Variants in LRRC4C observed in about 807,000 individuals in gnomAD.
The protein encoded by LRRC4C is leucine rich repeat containing 4C, also known as leucine-rich repeat-containing protein 4C.
LRRC4C carries 5 observed loss-of-function variants against 33.6 expected under a neutral mutation model. That is an observed-to-expected ratio of 0.15 (90% confidence interval 0.08 to 0.31). LRRC4C has a LOEUF of 0.31. Ranked by LOEUF, LRRC4C falls within the 10% of genes least tolerant of loss-of-function variation. The pLI is 1.00. For synonymous variants in LRRC4C, 329 were observed against 302.0 expected (o/e 1.09, Z -0.93); for missense variants, 560 against 796.7 (o/e 0.70, Z 3.58).
chr11:40,702,234 T>C (rs1945896392), intron 2 of LRRC4C, among the ~76,000 whole-genome samples: 1 of 152,098 alleles, frequency 6.6e-6, no homozygotes, highest in African/African-American at 2.4e-5. Context: ...AAATGTAGTA[T>C]AATGTAAAAT....
At chr11:40,918,824 TA>T (rs1238845980) in intron 2 of LRRC4C, among the ~76,000 whole-genome samples, 1 of 152,134 alleles carries the variant, frequency 6.6e-6, no homozygotes, top group Non-Finnish European at 1.5e-5. Context: ...AATGATGAGT[TA>T]AACTCAAAAG....
intron 1 of LRRC4C, among the ~76,000 whole-genome samples, chr11:41,298,463 G>A (rs538309560): frequency 6.6e-6 from 1 of 151,784 alleles, no homozygotes; most frequent in African/African-American, 2.4e-5. Flanking sequence ...GCTAAACGCA[G>A]TCATTATTGA....
intron 1 of LRRC4C, among the ~76,000 whole-genome samples, chr11:41,303,928 C>A (rs1279170360): frequency 1.1e-5 from 1 of 91,014 alleles, no homozygotes; most frequent in Admixed American, 1.3e-4. Context: ...CCTCTCCGCC[C>A]GGCAGCCACC....
chr11:41,190,495 G>T (rs1945894149), intron 1 of LRRC4C, among the ~76,000 whole-genome samples: 1 of 152,270 alleles, frequency 6.6e-6, no homozygotes. Context: ...AATGCCAGGT[G>T]CTCAGCCTAG....
intron 1 of LRRC4C, among the ~76,000 whole-genome samples, chr11:41,122,562 A>G (rs536318806): frequency 3.3e-5 from 5 of 152,140 alleles, no homozygotes; most frequent in African/African-American, 1.2e-4. Context: ...ATATGCCCAG[A>G]TGATTTCTTG....
At chr11:41,403,405 C>T (rs1337234090) in intron 1 of LRRC4C, among the ~76,000 whole-genome samples, 1 of 152,012 alleles carries the variant, frequency 6.6e-6, no homozygotes, top group Non-Finnish European at 1.5e-5. Context: ...TATATATAGA[C>T]ATATATGTTT....
At chr11:40,740,731 T>C (rs1477850500) in intron 2 of LRRC4C, among the ~76,000 whole-genome samples, 1 of 152,066 alleles carries the variant, frequency 6.6e-6, no homozygotes, top group East Asian at 1.9e-4. Context: ...TGAAGACTTT[T>C]CCCTATGTTC....
chr11:41,159,447 A>G (rs1314987003), intron 1 of LRRC4C, among the ~76,000 whole-genome samples: 2 of 152,148 alleles, frequency 1.3e-5, no homozygotes, highest in Non-Finnish European at 2.9e-5. Context: ...AGAAAAAGGT[A>G]TAGAGATGAA....
intron 2 of LRRC4C, among the ~76,000 whole-genome samples, chr11:40,796,439 G>A (rs186512471): frequency 1.3e-5 from 2 of 152,204 alleles, no homozygotes; most frequent in East Asian, 1.9e-4. Context: ...ATACATGGGT[G>A]AAAGAGGCCA....
At chr11:41,156,450 A>G (rs1944236801) in intron 1 of LRRC4C, among the ~76,000 whole-genome samples, 1 of 152,122 alleles carries the variant, frequency 6.6e-6, no homozygotes, top group Non-Finnish European at 1.5e-5. Context: ...CTTTTTCTAC[A>G]AATAGGTTAA....
intron 1 of LRRC4C, among the ~76,000 whole-genome samples, chr11:41,168,643 T>C (rs1944835087): frequency 2.0e-5 from 3 of 152,116 alleles, no homozygotes; most frequent in Non-Finnish European, 4.4e-5. Context: ...AAATATCAAG[T>C]GTTTGGGAGA....
chr11:40,748,542 A>T (rs1245992962), intron 2 of LRRC4C, among the ~76,000 whole-genome samples: 2 of 152,118 alleles, frequency 1.3e-5, no homozygotes, highest in Admixed American at 1.3e-4. Flanking sequence ...AAACCACCAA[A>T]CCTCAATGAC....
At chr11:41,059,225 T>TTTTTTTTTTTAA (rs1858881986) in intron 1 of LRRC4C, among the ~76,000 whole-genome samples, 1 of 149,580 alleles carries the variant, frequency 6.7e-6, no homozygotes, top group Non-Finnish European at 1.5e-5. Context: ...TTTTTTTTTT[T>TTTTTTTTTTTAA]AAGAAAAAGA....
At chr11:41,050,445 G>T (rs976269770) in intron 1 of LRRC4C, among the ~76,000 whole-genome samples, 1 of 151,500 alleles carries the variant, frequency 6.6e-6, no homozygotes, top group African/African-American at 2.4e-5. Context: ...CCCTCCCCTT[G>T]CCCCCTACCC....
chr11:41,153,009 G>A (rs1944066679), intron 1 of LRRC4C, among the ~76,000 whole-genome samples: 1 of 152,076 alleles, frequency 6.6e-6, no homozygotes, highest in African/African-American at 2.4e-5. Context: ...CTATATGTTT[G>A]CCTTAGTCTC....
chr11:41,034,668 T>C (rs995130135), intron 1 of LRRC4C, among the ~76,000 whole-genome samples: 1 of 145,126 alleles, frequency 6.9e-6, no homozygotes, highest in African/African-American at 2.5e-5. Context: ...ATATATATGA[T>C]ATATATATAT....
At chr11:40,167,976 G>A (rs559630043) in intron 5 of LRRC4C, among the ~76,000 whole-genome samples, 98 of 152,174 alleles carry the variant, frequency 6.4e-4, no homozygotes, top group Non-Finnish European at 6.3e-4. Context: ...CCTGGGAGGC[G>A]GAGGTTGCAG....
At chr11:40,991,089 A>T (rs1853518565) in intron 1 of LRRC4C, among the ~76,000 whole-genome samples, 1 of 151,724 alleles carries the variant, frequency 6.6e-6, no homozygotes, top group South Asian at 2.1e-4. Context: ...CAAAAAAAAA[A>T]AAAAGAAAAT....
At chr11:40,732,443 G>A (rs902979449) in intron 2 of LRRC4C, among the ~76,000 whole-genome samples, 4 of 152,232 alleles carry the variant, frequency 2.6e-5, no homozygotes, top group Middle Eastern at 6.8e-3. Context: ...CCAATTCAGC[G>A]TCTTTCTTCC....
Sources: gnomAD v4.1 joint callset for allele counts (sites outside exome capture counted in the v4.1 genomes callset) on GRCh38, gnomAD v4.1.1 for gene constraint, MANE v1.5 for transcripts, NCBI Gene and HGNC (gene_info 2026-07-23, HGNC 2026-07-21) for gene names.